Variants in ADGRB3 observed in about 807,000 individuals in gnomAD.
ADGRB3 encodes the protein adhesion G protein-coupled receptor B3.
ADGRB3 carries 37 observed loss-of-function variants against 193.4 expected under a neutral mutation model. The ratio of observed to expected loss-of-function variants is 0.19; its 90% confidence interval spans 0.15 to 0.25. The LOEUF (loss-of-function observed/expected upper bound fraction) is 0.25. Ranked by LOEUF, ADGRB3 falls within the 10% of genes least tolerant of loss-of-function variation. The pLI, the probability that ADGRB3 is intolerant of heterozygous loss-of-function variation, is 1.00. For missense variants in ADGRB3, 1,637 were observed against 1,852.9 expected (o/e 0.88, Z 2.14); for synonymous variants, 690 against 644.2 (o/e 1.07, Z -1.08).
chr6:68,904,296 T>G (rs889236357), intron 3 of ADGRB3, among the ~76,000 whole-genome samples: 1 of 152,186 alleles, frequency 6.6e-6, no homozygotes, highest in African/African-American at 2.4e-5. Flanking sequence ...CATTGCACTA[T>G]GTAATGACAT....
chr6:68,891,106 A>G (rs1393202315), intron 3 of ADGRB3, among the ~76,000 whole-genome samples: 1 of 152,142 alleles, frequency 6.6e-6, no homozygotes, highest in African/African-American at 2.4e-5. Context: ...CATGTCTTAC[A>G]TGGATGGCAG....
At chr6:69,086,339 T>G (rs556825246) in intron 17 of ADGRB3, among the ~76,000 whole-genome samples, 2 of 152,230 alleles carry the variant, frequency 1.3e-5, no homozygotes, top group Middle Eastern at 3.4e-3. Context: ...TGAACTGGTG[T>G]TGTTCAGATG....
chr6:68,676,113 C>T (rs893848151), intron 3 of ADGRB3, among the ~76,000 whole-genome samples: 1 of 152,196 alleles, frequency 6.6e-6, no homozygotes, highest in East Asian at 1.9e-4. Flanking sequence ...GAGAATGAGG[C>T]CTGGCGTGGT....
Position 69,225,252 on chromosome 6 carries a change from C to T in ADGRB3, c.2481-8038C>T, listed in dbSNP as rs369294196. Reference sequence around the variant, plus strand: ...TGCTAAAATTATTCTTCCTAAGGCTCTTAATGGCTCAATGGCCTCCTCCAT... The same window carrying T: ...TGCTAAAATTATTCTTCCTAAGGCTTTTAATGGCTCAATGGCCTCCTCCAT... On this transcript the variant is annotated intron_variant, in intron 17 of 31. Transcript: ENST00000370598. 1.2e-3 allele frequency among the ~76,000 whole-genome samples: 183 copies of T among 152,300 alleles called. 2 individuals are homozygous for T. In the South Asian group the frequency reaches 0.03, roughly 25 times the overall value.
At chr6:69,203,746 C>A (rs1263799346) in intron 17 of ADGRB3, among the ~76,000 whole-genome samples, 1 of 152,118 alleles carries the variant, frequency 6.6e-6, no homozygotes, top group Non-Finnish European at 1.5e-5. Flanking sequence ...TATGCATAAT[C>A]CGCACAAACT....
chr6:69,155,063 T>G (rs1774794931), intron 17 of ADGRB3, among the ~76,000 whole-genome samples: 2 of 152,230 alleles, frequency 1.3e-5, no homozygotes, highest in Non-Finnish European at 2.9e-5. Context: ...AATGAAAGTC[T>G]TAATAGACTT....
chr6:69,124,613 G>T (rs1397194173), intron 17 of ADGRB3, among the ~76,000 whole-genome samples: 1 of 152,120 alleles, frequency 6.6e-6, no homozygotes. Flanking sequence ...TCAGTATTCA[G>T]TCTTCTTCAG....
intron 3 of ADGRB3, among the ~76,000 whole-genome samples, chr6:68,897,462 GAGGA>G (rs1474871876): frequency 1.4e-5 from 1 of 70,812 alleles, no homozygotes; most frequent in Non-Finnish European, 3.2e-5. Context: ...GGGAGGGAGG[GAGGA>G]AAGGGAGGGA....
At chr6:68,881,630 G>A (rs1247290625) in intron 3 of ADGRB3, among the ~76,000 whole-genome samples, 2 of 152,120 alleles carry the variant, frequency 1.3e-5, no homozygotes, top group African/African-American at 2.4e-5. Context: ...AGTCAGTCGG[G>A]AACAAGTGGC....
chr6:69,108,851 G>A (rs552785736), intron 17 of ADGRB3, among the ~76,000 whole-genome samples: 1 of 152,078 alleles, frequency 6.6e-6, no homozygotes, highest in Non-Finnish European at 1.5e-5. Context: ...AAATGTATTG[G>A]GCCTCATTTA....
intron 17 of ADGRB3, among the ~76,000 whole-genome samples, chr6:69,123,070 G>C (rs139772059): frequency 6.6e-6 from 1 of 150,378 alleles, no homozygotes; most frequent in Non-Finnish European, 1.5e-5. Context: ...ATTTTCAGAC[G>C]TAAGTATCAC....
At chr6:69,006,023 T>C (rs987774351) in intron 11 of ADGRB3, among the ~76,000 whole-genome samples, 5 of 152,176 alleles carry the variant, frequency 3.3e-5, no homozygotes, top group Non-Finnish European at 5.9e-5. Context: ...ATTGGGCCTC[T>C]TGGTCTTGCT....
At chr6:69,008,027 C>T (rs1769817008) in intron 11 of ADGRB3, among the ~76,000 whole-genome samples, 2 of 151,966 alleles carry the variant, frequency 1.3e-5, no homozygotes, top group African/African-American at 2.4e-5. Context: ...AGCCAAACAC[C>T]GCAGGAAGCT....
chr6:68,791,842 GGCCAA>G lies in ADGRB3; in HGVS notation c.758-138711_758-138707del, dbSNP rs1430389604. ...TCAATGTGACAATATAGAACATTTT[GGCCAA>G]GCCAAAAATATAATAATGGTTGTAG... On this transcript the variant is annotated intron_variant, in intron 3 of 31. Transcript: ENST00000370598. 2.7e-4 allele frequency among the ~76,000 whole-genome samples: 41 copies of G among 152,162 alleles called. No homozygotes were observed. The East Asian group carries it at 7.5e-3, about 28-fold the overall frequency.
chr6:69,352,048 C>T (rs1032530157), intron 26 of ADGRB3, among the ~76,000 whole-genome samples: 1 of 152,122 alleles, frequency 6.6e-6, no homozygotes, highest in Non-Finnish European at 1.5e-5. Flanking sequence ...GAGGTGCAAA[C>T]AGAAAGTTAA....
At position 68,859,671 on chromosome 6, in the gene ADGRB3, T is replaced by C. The variant is rs146607568; in HGVS notation, c.758-70888T>C. 3.2e-3 allele frequency among the ~76,000 whole-genome samples: 494 copies of C among 152,228 alleles called. 7 individuals carry two copies. Among genetic ancestry groups the C allele is most frequent in the African/African-American group, 0.011 (450 of 41,526 alleles). On this transcript the variant is annotated intron_variant, in intron 3 of 31. Coordinates refer to ENST00000370598, the MANE Select transcript of ADGRB3 (RefSeq NM_001704.3). ...ATCTTGTGAGACTTATTTGCTACCA[T>C]GAGAACAGCATGGGAAAGACCCACC...
intron 17 of ADGRB3, among the ~76,000 whole-genome samples, chr6:69,093,745 G>T (rs1772785686): frequency 6.6e-6 from 1 of 151,942 alleles, no homozygotes; most frequent in Non-Finnish European, 1.5e-5. Flanking sequence ...GAAAGAGAGG[G>T]TGTGACAGCC....
intron 16 of ADGRB3, among the ~76,000 whole-genome samples, chr6:69,066,072 A>T (rs1270373317): frequency 6.6e-6 from 1 of 151,854 alleles, no homozygotes; most frequent in Non-Finnish European, 1.5e-5. Flanking sequence ...GGATTTTGGT[A>T]TCTGCAAGGG....
intron 20 of ADGRB3, among the ~76,000 whole-genome samples, chr6:69,283,048 ACCCAAAGAATT>A (rs1254345833): frequency 6.6e-6 from 1 of 152,130 alleles, no homozygotes; most frequent in Non-Finnish European, 1.5e-5. Context: ...AAAGGAAAAA[ACCCAAAGAATT>A]TACAGAATGA....
Sources: allele counts gnomAD v4.1 joint callset (sites outside exome capture counted in the v4.1 genomes callset), GRCh38; gene constraint gnomAD v4.1.1; transcripts MANE v1.5; gene names NCBI Gene and HGNC (gene_info 2026-07-23, HGNC 2026-07-21).